The following THEMIS variants were observed in gnomAD, a reference collection of about 807,000 sequenced individuals.
THEMIS encodes the protein thymocyte selection associated, also known as protein THEMIS.
Under a neutral mutation model 52.6 loss-of-function variants are expected in THEMIS, and 37 were observed. The ratio of observed to expected loss-of-function variants is 0.70; its 90% confidence interval spans 0.54 to 0.93. The LOEUF is 0.93. THEMIS is among the 40% of genes least tolerant of loss of function. THEMIS has a pLI of 0.00. For missense variants in THEMIS, 808 were observed against 763.1 expected (o/e 1.06, Z -0.69); for synonymous variants, 292 against 272.7 (o/e 1.07, Z -0.70).
At chr6:127,838,812 T>A (rs559832873) in intron 2 of THEMIS, among the ~76,000 whole-genome samples, 1 of 152,244 alleles carries the variant, frequency 6.6e-6, no homozygotes, top group Admixed American at 6.5e-5. Flanking sequence ...ATACTCTGCA[T>A]TAAAGTCTGT....
At chr6:127,789,351 G>A (rs1251393357) in intron 4 of THEMIS, among the ~76,000 whole-genome samples, 1 of 151,998 alleles carries the variant, frequency 6.6e-6, no homozygotes, top group Non-Finnish European at 1.5e-5. Flanking sequence ...TGAATAGATC[G>A]ATTACAGGTT....
At chr6:127,836,853 G>T (rs1173006023) in intron 2 of THEMIS, among the ~76,000 whole-genome samples, 1 of 152,096 alleles carries the variant, frequency 6.6e-6, no homozygotes, top group Non-Finnish European at 1.5e-5. Context: ...CTCTCTGGAA[G>T]CTTTGACCTG....
At chr6:127,878,792 T>G (rs564713234) in intron 1 of THEMIS, among the ~76,000 whole-genome samples, 20 of 152,300 alleles carry the variant, frequency 1.3e-4, no homozygotes, top group African/African-American at 4.3e-4. Flanking sequence ...ACATGATGCT[T>G]TCTTGAATAA....
intron 4 of THEMIS, chr6:127,807,223 TG>T: frequency 5.4e-6 from 1 of 185,340 alleles, no homozygotes; most frequent in South Asian, 7.3e-5. Context: ...TACCTGGACG[TG>T]GTGGGGGGTG....
intron 2 of THEMIS, among the ~76,000 whole-genome samples, chr6:127,848,375 C>T (rs1470370057): frequency 6.6e-6 from 1 of 151,984 alleles, no homozygotes; most frequent in Non-Finnish European, 1.5e-5. Context: ...AATAGTGCTG[C>T]AATAAACATA....
intron 1 of THEMIS, among the ~76,000 whole-genome samples, chr6:127,877,689 C>G (rs1432580898): frequency 6.6e-6 from 1 of 152,098 alleles, no homozygotes; most frequent in Non-Finnish European, 1.5e-5. Context: ...CATCAAAGAT[C>G]ATTGATTGCA....
intron 4 of THEMIS, among the ~76,000 whole-genome samples, chr6:127,728,337 G>A (rs1046958016): frequency 1.4e-4 from 22 of 152,034 alleles, no homozygotes; most frequent in African/African-American, 3.6e-4. Context: ...ATACATTCAC[G>A]TTGTAATAAA....
intron 1 of THEMIS, among the ~76,000 whole-genome samples, chr6:127,882,492 G>C (rs898677685): frequency 5.3e-5 from 8 of 151,878 alleles, no homozygotes; most frequent in Non-Finnish European, 1.0e-4. Flanking sequence ...CAACATGTGT[G>C]AGTTTAGGTT....
At chr6:127,881,540 T>G (rs1241359535) in intron 1 of THEMIS, among the ~76,000 whole-genome samples, 3 of 151,940 alleles carry the variant, frequency 2.0e-5, no homozygotes, top group Non-Finnish European at 4.4e-5. Flanking sequence ...TTAGTTATCT[T>G]TAAGTATGAA....
chr6:127,827,305 C>A (rs1180972296), intron 3 of THEMIS, among the ~76,000 whole-genome samples: 3 of 152,186 alleles, frequency 2.0e-5, no homozygotes, highest in Admixed American at 1.3e-4. Context: ...GACACCCCTC[C>A]TCTATTTCCA....
chr6:127,917,263 G>A (rs1161627970), intron 1 of THEMIS, among the ~76,000 whole-genome samples: 1 of 152,212 alleles, frequency 6.6e-6, no homozygotes, highest in East Asian at 1.9e-4. Flanking sequence ...AATGGAGTCA[G>A]TCCCCCAGTT....
intron 1 of THEMIS, among the ~76,000 whole-genome samples, chr6:127,870,428 T>G (rs1361264075): frequency 6.6e-6 from 1 of 152,108 alleles, no homozygotes; most frequent in East Asian, 1.9e-4. Context: ...GCTGTAGCAG[T>G]GTCAAAGAAA....
At position 127,813,621 on chromosome 6, in the gene THEMIS, G is replaced by A. The variant is rs990033453; in HGVS notation, c.1020C>T (p.Gly340=). ...RHFLIPTSYK[G]KFKRRPREFP... ...ACTCCCTCGGTCGCCGCTTGAACTT[G>A]CCTTTATAGCTAGTGGGGATCAAGA... The change falls in exon 4 of 6, where the codon GGC becomes GGT. Residue 340 remains glycine, a synonymous_variant. Coordinates refer to ENST00000368248, the MANE Select transcript of THEMIS (RefSeq NM_001010923.3). 6.2e-7 allele frequency: 1 copy of A among 1,614,108 alleles called. No homozygotes were observed. Among genetic ancestry groups the A allele is most frequent in the Non-Finnish European group, 8.5e-7 (1 of 1,180,000 alleles).
intron 1 of THEMIS, among the ~76,000 whole-genome samples, chr6:127,894,301 C>G (rs1387253338): frequency 6.6e-6 from 1 of 151,812 alleles, no homozygotes; most frequent in East Asian, 1.9e-4. Flanking sequence ...GTAAAGGAAA[C>G]CACAACCAAT....
At chr6:127,808,352 G>A (rs1338424149) in intron 4 of THEMIS, among the ~76,000 whole-genome samples, 1 of 152,114 alleles carries the variant, frequency 6.6e-6, no homozygotes, top group Non-Finnish European at 1.5e-5. Flanking sequence ...TGAACTATCT[G>A]AAACCACTTC....
chr6:127,827,592 A>G (rs1778549591), intron 3 of THEMIS, among the ~76,000 whole-genome samples: 1 of 152,204 alleles, frequency 6.6e-6, no homozygotes. Context: ...ATATCCCCTG[A>G]TCTGATGATG....
chr6:127,801,235 T>C (rs1777522503), intron 4 of THEMIS, among the ~76,000 whole-genome samples: 1 of 152,182 alleles, frequency 6.6e-6, no homozygotes, highest in South Asian at 2.1e-4. Flanking sequence ...GAGAATATAA[T>C]GAAGCTCCTT....
At chr6:127,900,100 G>C (rs1273623419) in intron 1 of THEMIS, among the ~76,000 whole-genome samples, 1 of 151,568 alleles carries the variant, frequency 6.6e-6, no homozygotes, top group African/African-American at 2.4e-5. Flanking sequence ...CCACTCTTGA[G>C]GCCAGAAATA....
At chr6:127,902,339 A>T (rs76423387), upstream of THEMIS, among the ~76,000 whole-genome samples, 20,065 of 147,170 alleles carry the variant, frequency 0.14, 1,829 homozygotes, top group East Asian at 0.38. Context: ...AAAAAAAAAA[A>T]AAAAAATAAA....
Sources: gnomAD v4.1 joint callset for allele counts (sites outside exome capture counted in the v4.1 genomes callset) on GRCh38, gnomAD v4.1.1 for gene constraint, MANE v1.5 for transcripts, NCBI Gene and HGNC (gene_info 2026-07-23, HGNC 2026-07-21) for gene names.